Variants in CENPP observed in about 807,000 individuals in gnomAD.
The protein encoded by CENPP is centromere protein P.
CENPP carries 24 observed loss-of-function variants against 35.6 expected under a neutral mutation model. The observed-to-expected ratio is 0.67, with a 90% CI of 0.49 to 0.95. The LOEUF (loss-of-function observed/expected upper bound fraction) is 0.95. Ranked by LOEUF, CENPP falls within the 40% of genes least tolerant of loss-of-function variation. The pLI is 0.00. For missense variants in CENPP, 332 were observed against 345.3 expected, an observed-to-expected ratio of 0.96 and a Z score of 0.31; for synonymous variants, 120 against 125.5, an observed-to-expected ratio of 0.96 and a Z score of 0.29.
At chr9:92,485,598 C>T (rs978436185) in intron 5 of CENPP, among the ~76,000 whole-genome samples, 11 of 152,138 alleles carry the variant, frequency 7.2e-5, no homozygotes, top group Non-Finnish European at 1.6e-4. Context: ...AGAACTTCTC[C>T]TGGTCTAGAC....
chr9:92,439,456 C>T lies in CENPP; in HGVS notation c.564+59597C>T, dbSNP rs181201989. Reference sequence around the variant, plus strand: ...AAATAAACAGAGATTGTAGAATCCTCCCCAGCCCCCACTAGCTATAGAGTC... The same window carrying T: ...AAATAAACAGAGATTGTAGAATCCTTCCCAGCCCCCACTAGCTATAGAGTC... On this transcript the variant is annotated intron_variant, in intron 5 of 7. Coordinates refer to ENST00000375587, the MANE Select transcript of CENPP (RefSeq NM_001012267.3). Among the ~76,000 whole-genome samples the T allele has an allele frequency of 4.1e-3, 627 of 152,240 alleles. 2 individuals carry two copies. The highest frequency in any genetic ancestry group is 5.2e-3 in the Non-Finnish European group (354 of 68,020).
Position 92,326,015 on chromosome 9 carries a change from C to T in CENPP, c.17C>T (p.Ala6Val), listed in dbSNP as rs1406105937. The change falls in exon 1 of 8, where the codon GCA becomes GTA. Residue 6 changes from alanine to valine, a missense_variant. Ala to Val is a moderately conservative substitution (Grantham distance 64). Transcript: ENST00000375587. ...CAACGCGCCATGGACGCAGAGCTGG[C>T]AGAGGTGCGCGCCTTGCAAGCTGAG... MDAEL[A>V]EVRALQAEIA... The T allele has an allele frequency of 2.6e-6, 4 of 1,553,688 alleles. No individual in the cohort carries two copies. In the South Asian group the frequency reaches 4.8e-5, roughly 18 times the overall value.
At chr9:92,496,406 T>G in intron 5 of CENPP, 1 of 1,610,888 alleles carries the variant, frequency 6.2e-7, no homozygotes, top group Non-Finnish European at 8.5e-7. Context: ...TTTAATATAA[T>G]TGTTTTCAAG....
intron 2 of CENPP, among the ~76,000 whole-genome samples, chr9:92,335,045 G>A (rs549848778): frequency 3.3e-5 from 5 of 152,102 alleles, no homozygotes; most frequent in African/African-American, 1.2e-4. Context: ...AATTAGCAGG[G>A]CGTGGTGGGG....
chr9:92,334,386 T>G (rs1021739669), intron 2 of CENPP, among the ~76,000 whole-genome samples: 1 of 152,174 alleles, frequency 6.6e-6, no homozygotes, highest in African/African-American at 2.4e-5. Context: ...CCCAAAGTGC[T>G]GGGATTACAG....
At chr9:92,326,961 C>T (rs1482249540) in intron 1 of CENPP, among the ~76,000 whole-genome samples, 2 of 152,148 alleles carry the variant, frequency 1.3e-5, no homozygotes, top group African/African-American at 4.8e-5. Context: ...TGCGTGCGGT[C>T]ATGAAAGTAG....
chr9:92,551,950 T>TG lies in CENPP; in HGVS notation c.565-59364_565-59363insG, dbSNP rs1564000000. 3.7e-4 allele frequency among the ~76,000 whole-genome samples: 45 copies of TG among 121,504 alleles called. 6 individuals are homozygous for TG. Among genetic ancestry groups the TG allele is most frequent in the African/African-American group, 1.6e-3 (43 of 26,704 alleles). 79.7% of individuals were successfully genotyped at this position (121,504 alleles called of 152,430 possible). A position where few individuals can be genotyped will look rare whatever the true frequency, so the allele number is the denominator to read the frequency against. On this transcript the variant is annotated intron_variant, in intron 5 of 7. Coordinates refer to ENST00000375587, the MANE Select transcript of CENPP (RefSeq NM_001012267.3). ...GTATATATATATATATATATATATA[T>TG]ATGATATATATATGTGTGATATATA...
At chr9:92,474,942 G>A (rs1412516085) in intron 5 of CENPP, 1 of 1,527,406 alleles carries the variant, frequency 6.5e-7, no homozygotes. Context: ...ACAGACATGG[G>A]ATATTAAATT....
intron 5 of CENPP, among the ~76,000 whole-genome samples, chr9:92,595,206 G>A (rs1040627229): frequency 6.6e-6 from 1 of 152,004 alleles, no homozygotes; most frequent in Admixed American, 6.6e-5. Context: ...CCATGTTGCT[G>A]TTTTTCTAAG....
chr9:92,501,133 C>T (rs184512785), intron 5 of CENPP: 107 of 1,392,432 alleles, frequency 7.7e-5, no homozygotes, highest in Admixed American at 3.2e-4. Flanking sequence ...AGGCCAGTCT[C>T]GATGCTGGTC....
chr9:92,527,419 A>G (rs752258111), intron 5 of CENPP, among the ~76,000 whole-genome samples: 1 of 152,190 alleles, frequency 6.6e-6, no homozygotes, highest in Non-Finnish European at 1.5e-5. Flanking sequence ...GCTCTACCAT[A>G]TAGCCTAGGT....
chr9:92,545,301 G>A (rs995924824), intron 5 of CENPP, among the ~76,000 whole-genome samples: 12 of 152,194 alleles, frequency 7.9e-5, no homozygotes, highest in Admixed American at 4.6e-4. Context: ...CCAGGGCTGC[G>A]TGTGGCACTT....
At chr9:92,367,290 C>T (rs1424275691) in intron 4 of CENPP, among the ~76,000 whole-genome samples, 1 of 152,138 alleles carries the variant, frequency 6.6e-6, no homozygotes, top group Non-Finnish European at 1.5e-5. Flanking sequence ...CCTCAGCCTC[C>T]CGAGTAGCTG....
At chr9:92,508,940 G>A (rs148820454) in intron 5 of CENPP, among the ~76,000 whole-genome samples, 93 of 152,050 alleles carry the variant, frequency 6.1e-4, no homozygotes, top group African/African-American at 2.2e-3. Flanking sequence ...AGACTATTAG[G>A]AAGATAAAAA....
chr9:92,425,895 G>A (rs1843953381), intron 5 of CENPP, among the ~76,000 whole-genome samples: 1 of 152,146 alleles, frequency 6.6e-6, no homozygotes, highest in African/African-American at 2.4e-5. Flanking sequence ...TCAAAAAATT[G>A]TTTTATAGGC....
At chr9:92,438,778 C>A (rs533351944) in intron 5 of CENPP, among the ~76,000 whole-genome samples, 3 of 152,286 alleles carry the variant, frequency 2.0e-5, no homozygotes, top group African/African-American at 7.2e-5. Flanking sequence ...CATGGTGAAA[C>A]CCCGTCACTA....
intron 5 of CENPP, among the ~76,000 whole-genome samples, chr9:92,544,712 A>ATTTTTTTTTTTT (rs150281438): frequency 7.6e-6 from 1 of 132,422 alleles, no homozygotes; most frequent in Non-Finnish European, 1.6e-5. Context: ...ATCACTATAA[A>ATTTTTTTTTTTT]TTTTTTTTTT....
chr9:92,599,621 TG>T (rs1850860768), intron 5 of CENPP, among the ~76,000 whole-genome samples: 1 of 152,168 alleles, frequency 6.6e-6, no homozygotes, highest in Non-Finnish European at 1.5e-5. Context: ...TTCACCATGT[TG>T]GCCAGGCTGG....
intron 4 of CENPP, among the ~76,000 whole-genome samples, chr9:92,347,658 A>G (rs377298466): frequency 6.6e-6 from 1 of 152,072 alleles, no homozygotes; most frequent in East Asian, 1.9e-4. Context: ...GTTTTGAAAA[A>G]TTTTTAGTCA....
Sources: gnomAD v4.1 joint callset for allele counts (sites outside exome capture counted in the v4.1 genomes callset) on GRCh38, gnomAD v4.1.1 for gene constraint, MANE v1.5 for transcripts, NCBI Gene and HGNC (gene_info 2026-07-23, HGNC 2026-07-21) for gene names.